The following CDKAL1 variants were observed in gnomAD, a reference collection of about 807,000 sequenced individuals.
CDKAL1 encodes the protein CDKAL1 threonylcarbamoyladenosine tRNA methylthiotransferase.
Under a neutral mutation model 68.2 loss-of-function variants are expected in CDKAL1, and 32 were observed. That is an observed-to-expected ratio of 0.47 (90% CI 0.35 to 0.63). The LOEUF (loss-of-function observed/expected upper bound fraction) is 0.63, where lower values mean the gene tolerates loss of function less well. Among genes scored for constraint, CDKAL1 ranks in the 30% least tolerant of loss-of-function variants. The pLI is 0.00. For synonymous variants in CDKAL1, 234 were observed against 244.3 expected (o/e 0.96, Z 0.39); for missense variants, 606 against 696.7 (o/e 0.87, Z 1.47).
chr6:21,155,000 C>CCA (rs1776581810), intron 13 of CDKAL1, among the ~76,000 whole-genome samples: 1 of 142,130 alleles, frequency 7.0e-6, no homozygotes, highest in Admixed American at 7.0e-5. Context: ...CCACCCCCCC[C>CCA]AAAAAAAAAA....
chr6:20,894,853 A>G (rs924693886), intron 9 of CDKAL1, among the ~76,000 whole-genome samples: 3 of 152,172 alleles, frequency 2.0e-5, no homozygotes, highest in African/African-American at 7.2e-5. Flanking sequence ...TAAAATATAT[A>G]TACAGTAGGT....
At chr6:20,844,800 A>G (rs533918643) in intron 8 of CDKAL1, among the ~76,000 whole-genome samples, 6 of 152,338 alleles carry the variant, frequency 3.9e-5, no homozygotes, top group South Asian at 2.1e-4. Context: ...GGAAACGACA[A>G]TAGAATGGTT....
chr6:21,149,792 A>G (rs1421238393), intron 13 of CDKAL1, among the ~76,000 whole-genome samples: 1 of 152,186 alleles, frequency 6.6e-6, no homozygotes, highest in Non-Finnish European at 1.5e-5. Context: ...GTATCTATCA[A>G]TCTTGAGTAA....
chr6:20,566,220 G>T (rs1389899660), intron 4 of CDKAL1, among the ~76,000 whole-genome samples: 1 of 152,142 alleles, frequency 6.6e-6, no homozygotes, highest in Non-Finnish European at 1.5e-5. Context: ...ATGAAAGAAA[G>T]ATCTGTCATG....
At chr6:21,095,001 T>A (rs977754949) in intron 12 of CDKAL1, among the ~76,000 whole-genome samples, 4 of 152,188 alleles carry the variant, frequency 2.6e-5, no homozygotes, top group Non-Finnish European at 5.9e-5. Context: ...TGGCTTTTTT[T>A]AAAAACACCT....
At chr6:21,212,355 C>G (rs1487356286) in intron 15 of CDKAL1, among the ~76,000 whole-genome samples, 2 of 152,150 alleles carry the variant, frequency 1.3e-5, no homozygotes, top group African/African-American at 4.8e-5. Flanking sequence ...CACAGTCAAG[C>G]CACTCAACCT....
chr6:20,880,442 G>GGAC (rs1414784138), intron 9 of CDKAL1, among the ~76,000 whole-genome samples: 1 of 151,872 alleles, frequency 6.6e-6, no homozygotes, highest in Non-Finnish European at 1.5e-5. Context: ...TTTTTAGTAG[G>GGAC]GACAGGGTTT....
chr6:20,662,103 T>C (rs1044737026), intron 5 of CDKAL1, among the ~76,000 whole-genome samples: 1 of 152,140 alleles, frequency 6.6e-6, no homozygotes, highest in African/African-American at 2.4e-5. Flanking sequence ...GGCTCTTGTT[T>C]TTTTCTTCCC....
At chr6:21,143,692 T>C (rs1357334300) in intron 13 of CDKAL1, among the ~76,000 whole-genome samples, 1 of 152,204 alleles carries the variant, frequency 6.6e-6, no homozygotes, top group Non-Finnish European at 1.5e-5. Flanking sequence ...TACCCTCTTA[T>C]ATAGCATGTT....
chr6:20,901,103 G>A (rs1487279829), intron 9 of CDKAL1, among the ~76,000 whole-genome samples: 1 of 151,208 alleles, frequency 6.6e-6, no homozygotes, highest in Non-Finnish European at 1.5e-5. Context: ...CTGTGTGGGT[G>A]AGAGAGAGAG....
At chr6:20,599,864 T>A (rs761818572) in intron 4 of CDKAL1, among the ~76,000 whole-genome samples, 2 of 152,182 alleles carry the variant, frequency 1.3e-5, no homozygotes, top group African/African-American at 2.4e-5. Context: ...AGATGAAAGT[T>A]AATCTAAGCA....
intron 12 of CDKAL1, among the ~76,000 whole-genome samples, chr6:21,079,770 A>G (rs943436543): frequency 1.3e-5 from 2 of 152,022 alleles, no homozygotes; most frequent in Admixed American, 6.5e-5. Flanking sequence ...ACCAGGCCCA[A>G]CCTCTTCTAC....
At chr6:21,216,264 C>G (rs1779337013) in intron 15 of CDKAL1, among the ~76,000 whole-genome samples, 1 of 152,108 alleles carries the variant, frequency 6.6e-6, no homozygotes, top group African/African-American at 2.4e-5. Context: ...GGGAACTTAT[C>G]AGACTGATTT....
At chr6:20,867,502 C>T (rs186363636) in intron 9 of CDKAL1, among the ~76,000 whole-genome samples, 4 of 150,824 alleles carry the variant, frequency 2.7e-5, no homozygotes, top group African/African-American at 2.5e-5. Flanking sequence ...GATGACTGAA[C>T]TGCTTTATAG....
At chr6:20,808,300 A>T (rs2150416267) in intron 8 of CDKAL1, among the ~76,000 whole-genome samples, 1 of 152,132 alleles carries the variant, frequency 6.6e-6, no homozygotes. Flanking sequence ...TTTATTTTGG[A>T]TGTTGTCAAT....
intron 4 of CDKAL1, among the ~76,000 whole-genome samples, chr6:20,620,932 T>G (rs1767163983): frequency 6.6e-6 from 1 of 152,102 alleles, no homozygotes; most frequent in African/African-American, 2.4e-5. Flanking sequence ...CCATGGTTTG[T>G]TTTTATCTAA....
intron 9 of CDKAL1, among the ~76,000 whole-genome samples, chr6:20,926,925 TTA>T (rs933715033): frequency 2.0e-5 from 3 of 147,054 alleles, no homozygotes; most frequent in East Asian, 3.9e-4. Flanking sequence ...ATATATATTT[TTA>T]TATATATATA....
chr6:20,856,554 TAAC>T (rs1045351494), intron 9 of CDKAL1, among the ~76,000 whole-genome samples: 3 of 152,256 alleles, frequency 2.0e-5, no homozygotes, highest in African/African-American at 7.2e-5. Flanking sequence ...AATGGGTATC[TAAC>T]GTTTTACCAA....
chr6:21,177,967 T>G (rs1161728147), intron 13 of CDKAL1, among the ~76,000 whole-genome samples: 1 of 152,176 alleles, frequency 6.6e-6, no homozygotes, highest in African/African-American at 2.4e-5. Context: ...TTTTCCCATT[T>G]TATAATTGTC....
Sources: allele counts gnomAD v4.1 joint callset (sites outside exome capture counted in the v4.1 genomes callset), GRCh38; gene constraint gnomAD v4.1.1; transcripts MANE v1.5; gene names NCBI Gene and HGNC (gene_info 2026-07-23, HGNC 2026-07-21).